SAMD11: variants seen among roughly 807,000 people sequenced by gnomAD.
SAMD11 encodes sterile alpha motif domain containing 11.
In SAMD11, 77 loss-of-function variants were observed where a neutral mutation model predicts 64.4. That is an observed-to-expected ratio of 1.20 (90% CI 0.99 to 1.44). The LOEUF (loss-of-function observed/expected upper bound fraction) is 1.44, where lower values mean the gene tolerates loss of function less well. Ranked by LOEUF, SAMD11 falls within the 40% of genes most tolerant of loss-of-function variation. SAMD11 has a pLI of 0.00. For synonymous variants in SAMD11, 658 were observed against 421.9 expected, an observed-to-expected ratio of 1.56 and a Z score of -6.86; for missense variants, 1,402 against 943.3, an observed-to-expected ratio of 1.49 and a Z score of -6.37.
At chr1:935,680 TCA>T in intron 4 of SAMD11, 90 bp from the exon 5 acceptor site, 3 of 1,548,018 alleles carry the variant, frequency 1.9e-6, no homozygotes, top group East Asian at 2.3e-5. Flanking sequence ...ATCCCCACGC[TCA>T]CACACAGAGC....
intron 8 of SAMD11, among the ~76,000 whole-genome samples, chr1:941,870 G>C (rs539363549): frequency 2.6e-5 from 4 of 152,256 alleles, no homozygotes; most frequent in Non-Finnish European, 5.9e-5. Context: ...GGGTCCGCAG[G>C]GGAGGGGAGC....
At chr1:928,000 C>T (rs1320956271) in intron 2 of SAMD11, among the ~76,000 whole-genome samples, 1 of 152,222 alleles carries the variant, frequency 6.6e-6, no homozygotes, top group Admixed American at 6.5e-5. Context: ...CCAGCCCTGG[C>T]CTCCTTCCAA....
chr1:926,132 G>A, intron 2 of SAMD11, 119 bp downstream of exon 2: 2 of 983,348 alleles, frequency 2.0e-6, no homozygotes, highest in Admixed American at 2.0e-5. Context: ...TGTGCTGGAG[G>A]GAGCCTCCGA....
Position 944,553 on chromosome 1 carries a change from G to GA in SAMD11, c.*405dup. 2 of 635,030 alleles carry GA rather than the reference G, an allele frequency of 3.1e-6. No homozygotes were observed. The highest frequency in any genetic ancestry group is 5.3e-6 in the Non-Finnish European group (2 of 375,888). 39.3% of individuals were successfully genotyped at this position (635,030 alleles called of 1,614,324 possible). ...CTCGATACGTTTGGTCTTTCATGCTGAAAAATAAATAATAAAGCCTGTCCC... is the reference window on the plus strand; with the variant it reads ...CTCGATACGTTTGGTCTTTCATGCTGAAAAAATAAATAATAAAGCCTGTCCC... On this transcript the variant is annotated 3_prime_UTR_variant, in exon 14 of 14. Coordinates refer to ENST00000616016, the MANE Select transcript of SAMD11 (RefSeq NM_001385641.1).
intron 7 of SAMD11, 76 bp downstream of exon 7, chr1:939,488 C>T (rs748997234): frequency 6.9e-6 from 11 of 1,593,480 alleles, no homozygotes; most frequent in Admixed American, 1.7e-5. Context: ...CATGATCTCC[C>T]CTCATCACCT....
Position 943,754 on chromosome 1 carries a change from C to T in SAMD11, c.2235C>T (p.His745=), listed in dbSNP as rs1641974179. Residue 745 remains histidine, a synonymous_variant, in exon 13 of 14, where the codon CAC becomes CAT. Coordinates refer to ENST00000616016, the MANE Select transcript of SAMD11 (RefSeq NM_001385641.1). Reference sequence around the variant, plus strand: ...CCCTGCCACTGCTGACGGAGGAGCACCTGCTGACCAACATGGGGCTGAAGC... The same window carrying T: ...CCCTGCCACTGCTGACGGAGGAGCATCTGCTGACCAACATGGGGCTGAAGC... ...GETLPLLTEE[H]LLTNMGLKLG... is the part of the protein sequence containing the mutation. 1 of 1,610,918 alleles carries T rather than the reference C, an allele frequency of 6.2e-7. No individual in the cohort carries two copies. Among genetic ancestry groups the T allele is most frequent in the Non-Finnish European group, 8.5e-7 (1 of 1,178,984 alleles).
Position 942,729 on chromosome 1 carries a change from C to A in SAMD11, c.1724C>A (p.Pro575His), listed in dbSNP as rs901420898. 75 of 1,471,104 alleles carry A rather than the reference C, an allele frequency of 5.1e-5. No individual in the cohort carries two copies. Among genetic ancestry groups the A allele is most frequent in the Non-Finnish European group, 6.0e-5 (67 of 1,121,036 alleles). The allele number at this position is 1,471,104 out of a possible 1,614,324, so 91.1% of individuals were successfully genotyped here. A position where few individuals can be genotyped will look rare whatever the true frequency, so the allele number is the denominator to read the frequency against. ...GCGGCGCCACTGCTGGCCCTGCCCC[C>A]CCAGGGGCCCCCGGGCTCCGGACCC... ...HGAAPLLALP[P>H]QGPPGSGPPT... is the part of the protein sequence containing the mutation. The change falls in exon 11 of 14, where the codon CCC (proline) becomes CAC (histidine). Residue 575 changes from proline (P) to histidine (H), a missense_variant. Transcript: ENST00000616016.
At chr1:927,585 T>C (rs1206591973) in intron 2 of SAMD11, among the ~76,000 whole-genome samples, 1 of 152,174 alleles carries the variant, frequency 6.6e-6, no homozygotes, top group Non-Finnish European at 1.5e-5. Flanking sequence ...CCAGCCCCCA[T>C]GTTTCTTACT....
In SAMD11 at chr1:943,334, G is replaced by A; in HGVS notation, c.2135G>A (p.Cys712Tyr). 1 of 1,603,884 alleles carries A rather than the reference G, an allele frequency of 6.2e-7. No individual in the cohort carries two copies. Among genetic ancestry groups the A allele is most frequent in the South Asian group, 1.1e-5 (1 of 90,256 alleles). Residue 712 changes from cysteine (C) to tyrosine (Y), a missense_variant, in exon 12 of 14, where the codon TGC becomes TAC. By Grantham distance (194) the Cys-to-Tyr change is radical. Transcript: ENST00000616016. Reference sequence around the variant, plus strand: ...ACCAAGTGGACCGTGGATGACGTCTGCAGCTTCGTGGGGGGCCTGTCTGGC... The same window carrying A: ...ACCAAGTGGACCGTGGATGACGTCTACAGCTTCGTGGGGGGCCTGTCTGGC... ...DVTKWTVDDVCSFVGGLSGCG... is the reference protein window; with the variant it reads ...DVTKWTVDDVYSFVGGLSGCG...
rs1248328254 is a variant in SAMD11, at chr1:925,700, C to T, written c.518-222C>T. On this transcript the variant is annotated intron_variant, in intron 1 of 13. Transcript: ENST00000616016. ...GGGTGGGGACGCCCAGGCCCTTCGT[C>T]GGGGGAGGGCGCTCCACCCGGGCTG... is the stretch of plus-strand genomic sequence containing the variant. The T allele has an allele frequency of 2.9e-5, 14 of 487,772 alleles. No individual in the cohort carries two copies. The East Asian group carries it at 4.4e-4, about 15-fold the overall frequency. 30.2% of individuals were successfully genotyped at this position (487,772 alleles called of 1,614,324 possible).
Position 939,258 on chromosome 1 carries a change from CG to C in SAMD11, c.1058-14del, listed in dbSNP as rs1557607182. ...CAGTGCCTGGAGAAACCTCTCACCC[CG>C]GGTCCTCCCCAGCAGAGGCGCTGCT... On this transcript the variant is annotated splice_polypyrimidine_tract_variant and intron_variant, in intron 6 of 13. Coordinates refer to ENST00000616016, the MANE Select transcript of SAMD11 (RefSeq NM_001385641.1). 1 of 1,579,674 alleles carries C rather than the reference CG, an allele frequency of 6.3e-7. No individual in the cohort carries two copies. Among genetic ancestry groups the C allele is most frequent in the Non-Finnish European group, 8.6e-7 (1 of 1,162,732 alleles).
intron 4 of SAMD11, among the ~76,000 whole-genome samples, chr1:932,105 A>G (rs985390311): frequency 3.9e-5 from 6 of 152,284 alleles, no homozygotes; most frequent in African/African-American, 1.4e-4. Context: ...CAATAAAAAC[A>G]TCTTTAAACT....
In SAMD11 at chr1:942,294, C is replaced by G. The variant is rs751674813; in HGVS notation, c.1474+43C>G. 51 of 1,030,568 alleles carry G rather than the reference C, an allele frequency of 4.9e-5. No homozygotes were observed. The Admixed American group carries it at 7.9e-4, about 16-fold the overall frequency. The allele number at this position is 1,030,568 out of a possible 1,614,324, so 63.8% of individuals were successfully genotyped here. On this transcript the variant is annotated intron_variant, in intron 9 of 13. Transcript: ENST00000616016. The stretch of plus-strand genomic sequence containing the variant: ...CATCCCCTGGGAGCCCGCGTGGAGG[C>G]TCGCGGACCCGGCCCTGCCCCTGTC...
At chr1:930,024 G>C in intron 2 of SAMD11, 131 bp from the exon 3 acceptor site, 1 of 1,105,380 alleles carries the variant, frequency 9.0e-7, no homozygotes, top group Non-Finnish European at 1.3e-6. Flanking sequence ...CGTGCTTGGG[G>C]CTCGGCCTGG....
intron 8 of SAMD11, 140 bp from the exon 9 acceptor site, chr1:941,996 C>A: frequency 2.6e-6 from 1 of 383,058 alleles, no homozygotes; most frequent in Non-Finnish European, 4.6e-6. Context: ...GCGGGGATGG[C>A]GCGCGACCTG....
In SAMD11 at chr1:944,481, A is replaced by G. The variant is rs1262868307; in HGVS notation, c.*328A>G. 5.8e-6 allele frequency: 4 copies of G among 695,580 alleles called. No homozygotes were observed. Among genetic ancestry groups the G allele is most frequent in the Non-Finnish European group, 9.0e-6 (4 of 442,306 alleles). 43.1% of individuals were successfully genotyped at this position (695,580 alleles called of 1,614,324 possible). On this transcript the variant is annotated 3_prime_UTR_variant, in exon 14 of 14. Coordinates refer to ENST00000616016, the MANE Select transcript of SAMD11 (RefSeq NM_001385641.1). ...CCCGCGGAGCTGACTTCAGCAGCCC[A>G]CAGCTGTGGGGCTTCAGCAGCCACA...
rs923338208 is a variant in SAMD11 at position 943,705 on chromosome 1, G to A, written c.2186G>A (p.Arg729Lys). 2 of 1,580,920 alleles carry A rather than the reference G, an allele frequency of 1.3e-6. No individual in the cohort carries two copies. Among genetic ancestry groups the A allele is most frequent in the Non-Finnish European group, 1.7e-6 (2 of 1,161,640 alleles). Reference sequence around the variant, plus strand: ...CCTCCCTCCCCCTTCCAGGTCTTCAGGGAGCAGGGGATCGACGGGGAGACC... The same window carrying A: ...CCTCCCTCCCCCTTCCAGGTCTTCAAGGAGCAGGGGATCGACGGGGAGACC... ...SGCGEYTRVF[R>K]EQGIDGETLP... is the part of the protein sequence containing the mutation. The change falls in exon 13 of 14, where the codon AGG becomes AAG. Residue 729 changes from arginine to lysine, a missense_variant. Transcript: ENST00000616016.
Position 942,781 on chromosome 1 carries a change from G to A in SAMD11, c.1776G>A (p.Arg592=), listed in dbSNP as rs979318694. The change falls in exon 11 of 14, where the codon CGG becomes CGA. Residue 592 remains arginine (R), a synonymous_variant. Transcript: ENST00000616016. ...GPPTPSRDSA[R]RAPRKGGPGP... ...CCACCCCGTCCCGGGACTCTGCCCGGCGAGCCCCCCGGAAGGGGGGTCCCG... is the reference window on the plus strand; with the variant it reads ...CCACCCCGTCCCGGGACTCTGCCCGACGAGCCCCCCGGAAGGGGGGTCCCG... The A allele has an allele frequency of 6.5e-7, 1 of 1,538,098 alleles. No individual in the cohort carries two copies. The highest frequency in any genetic ancestry group is 1.4e-5 in the African/African-American group (1 of 71,642).
chr1:938,746 C>T (rs1641591433), intron 5 of SAMD11, among the ~76,000 whole-genome samples: 1 of 152,214 alleles, frequency 6.6e-6, no homozygotes, highest in Admixed American at 6.5e-5. Flanking sequence ...GGCTCGTTAA[C>T]TTGCACAAGA....
Sources: gnomAD v4.1 joint callset for allele counts (sites outside exome capture counted in the v4.1 genomes callset) on GRCh38, gnomAD v4.1.1 for gene constraint, MANE v1.5 for transcripts, NCBI Gene and HGNC (gene_info 2026-07-23, HGNC 2026-07-21) for gene names.